ARHGAP20: variants seen among roughly 807,000 people sequenced by gnomAD.
ARHGAP20 encodes Rho GTPase activating protein 20, also known as rho GTPase-activating protein 20.
A neutral mutation model predicts 73.7 loss-of-function variants in ARHGAP20; 34 were observed. The observed-to-expected ratio is 0.46, with a 90% confidence interval of 0.35 to 0.61. The LOEUF is 0.61. Ranked by LOEUF, ARHGAP20 falls within the 20% of genes least tolerant of loss-of-function variation. The pLI is 0.00. For synonymous variants in ARHGAP20, 523 were observed against 518.2 expected (o/e 1.01, Z -0.13); for missense variants, 1,314 against 1,420.9 (o/e 0.92, Z 1.21).
At chr11:110,627,224 G>A (rs938387520) in intron 3 of ARHGAP20, among the ~76,000 whole-genome samples, 1 of 152,088 alleles carries the variant, frequency 6.6e-6, no homozygotes, top group Non-Finnish European at 1.5e-5. Context: ...GAGTAGCTGG[G>A]ATTATAGGTG....
chr11:110,701,159 C>A (rs555699628), intron 1 of ARHGAP20, among the ~76,000 whole-genome samples: 5 of 151,522 alleles, frequency 3.3e-5, no homozygotes, highest in South Asian at 4.1e-4. Context: ...CCTGAGGAAT[C>A]GCCACACTGA....
intron 2 of ARHGAP20, among the ~76,000 whole-genome samples, chr11:110,685,197 T>C (rs79276305): frequency 4.0e-5 from 6 of 151,834 alleles, no homozygotes; most frequent in African/African-American, 7.3e-5. Context: ...ACCATAAAAT[T>C]AGAAGTTTAA....
chr11:110,644,027 G>A (rs1949131418), intron 2 of ARHGAP20, among the ~76,000 whole-genome samples: 1 of 152,044 alleles, frequency 6.6e-6, no homozygotes, highest in African/African-American at 2.4e-5. Flanking sequence ...TGAGCAAGCT[G>A]AGAGATAAGT....
chr11:110,711,272 T>G (rs1384559266), intron 1 of ARHGAP20, among the ~76,000 whole-genome samples: 3 of 152,052 alleles, frequency 2.0e-5, no homozygotes. Flanking sequence ...CTCTCCCAGC[T>G]TTGACAGGGA....
chr11:110,697,920 T>C (rs1950368012), intron 1 of ARHGAP20, among the ~76,000 whole-genome samples: 1 of 151,798 alleles, frequency 6.6e-6, no homozygotes, highest in Non-Finnish European at 1.5e-5. Context: ...TTTTTTTGGT[T>C]CCATATGAAC....
chr11:110,707,870 T>G (rs1179486979), intron 1 of ARHGAP20, among the ~76,000 whole-genome samples: 1 of 151,744 alleles, frequency 6.6e-6, no homozygotes, highest in African/African-American at 2.4e-5. Flanking sequence ...TTTGTTTTTT[T>G]TTTTGTCTCT....
chr11:110,624,708 G>A (rs575932459), intron 3 of ARHGAP20, among the ~76,000 whole-genome samples: 1 of 152,184 alleles, frequency 6.6e-6, no homozygotes, highest in Admixed American at 6.5e-5. Context: ...CATGGGCAAA[G>A]TGTCTTATTC....
chr11:110,686,837 G>A (rs1950142174), intron 2 of ARHGAP20, among the ~76,000 whole-genome samples: 1 of 151,712 alleles, frequency 6.6e-6, no homozygotes, highest in Non-Finnish European at 1.5e-5. Flanking sequence ...ACCCTTTCAG[G>A]TTCTTTCCAA....
chr11:110,629,484 G>A (rs958329639), intron 3 of ARHGAP20, among the ~76,000 whole-genome samples: 1 of 152,084 alleles, frequency 6.6e-6, no homozygotes, highest in Non-Finnish European at 1.5e-5. Context: ...TCCCAACTTA[G>A]AGCTTCAAGT....
chr11:110,664,724 T>C (rs1222001091), intron 2 of ARHGAP20, among the ~76,000 whole-genome samples: 2 of 100,428 alleles, frequency 2.0e-5, no homozygotes, highest in African/African-American at 9.0e-5. Context: ...TGAGACTCCG[T>C]CTCAAAAAAA....
intron 7 of ARHGAP20, among the ~76,000 whole-genome samples, chr11:110,609,885 C>A (rs1316130731): frequency 1.2e-4 from 18 of 152,034 alleles, no homozygotes; most frequent in Non-Finnish European, 1.0e-4. Context: ...CCCTCCTAGT[C>A]AAAAAATGTG....
At chr11:110,651,456 A>G (rs1949350957) in intron 2 of ARHGAP20, among the ~76,000 whole-genome samples, 1 of 151,964 alleles carries the variant, frequency 6.6e-6, no homozygotes. Context: ...TTTAAATTTA[A>G]TGAAATATTA....
intron 2 of ARHGAP20, among the ~76,000 whole-genome samples, chr11:110,656,477 A>G (rs1174238870): frequency 2.6e-5 from 4 of 152,034 alleles, no homozygotes; most frequent in African/African-American, 9.7e-5. Flanking sequence ...TCTCCCATAT[A>G]TGGCCTTTAT....
chr11:110,691,856 A>C (rs1950248460), intron 1 of ARHGAP20, among the ~76,000 whole-genome samples: 1 of 152,218 alleles, frequency 6.6e-6, no homozygotes, highest in South Asian at 2.1e-4. Context: ...AGCTGGAATA[A>C]TTATGTAAAA....
rs1414933211 is a variant in ARHGAP20, at chr11:110,690,649, A to C, written c.106-20T>G. 1 of 1,608,362 alleles carries C rather than the reference A, an allele frequency of 6.2e-7. No individual in the cohort carries two copies. Among genetic ancestry groups the C allele is most frequent in the Non-Finnish European group, 8.5e-7 (1 of 1,174,966 alleles). On this transcript the variant is annotated intron_variant, in intron 1 of 14. Coordinates refer to ENST00000683387, the MANE Select transcript of ARHGAP20 (RefSeq NM_001384657.1). ...CATTTTCTGTTGATGAAACAAACCA[A>C]AATGAAGACCACATGGCTTGTAAGG...
chr11:110,648,210 A>AATATATATGTAC (rs1949254579), intron 2 of ARHGAP20, among the ~76,000 whole-genome samples: 1 of 113,330 alleles, frequency 8.8e-6, no homozygotes, highest in African/African-American at 3.9e-5. Context: ...TATATATGTA[A>AATATATATGTAC]ATATATATAT....
chr11:110,643,237 G>C (rs916625775), intron 2 of ARHGAP20, among the ~76,000 whole-genome samples: 3 of 151,888 alleles, frequency 2.0e-5, no homozygotes, highest in Admixed American at 6.6e-5. Context: ...TGGTTTTACT[G>C]GTCTTTTGTA....
At chr11:110,703,047 T>C (rs1591193309) in intron 1 of ARHGAP20, among the ~76,000 whole-genome samples, 1 of 152,076 alleles carries the variant, frequency 6.6e-6, no homozygotes, top group Non-Finnish European at 1.5e-5. Flanking sequence ...ACCTTGCACC[T>C]TGCTTCTGGG....
At chr11:110,665,972 C>T (rs7940048) in intron 2 of ARHGAP20, among the ~76,000 whole-genome samples, 77 of 78,182 alleles carry the variant, frequency 9.8e-4, no homozygotes, top group African/African-American at 3.3e-3. Flanking sequence ...ATACAAGATA[C>T]ATATACACAC....
Sources: gnomAD v4.1 joint callset for allele counts (sites outside exome capture counted in the v4.1 genomes callset) on GRCh38, gnomAD v4.1.1 for gene constraint, MANE v1.5 for transcripts, NCBI Gene and HGNC (gene_info 2026-07-23, HGNC 2026-07-21) for gene names.